The following USP40 variants were observed in gnomAD, a reference collection of about 807,000 sequenced individuals.
The protein encoded by USP40 is ubiquitin specific peptidase 40.
A neutral mutation model predicts 166.2 loss-of-function variants in USP40; 143 were observed. The observed-to-expected ratio is 0.86, with a 90% CI of 0.75 to 0.99. USP40 has a LOEUF of 0.99. USP40 is among the 50% of genes least tolerant of loss of function. USP40 has a pLI of 0.00. For synonymous variants in USP40, 498 were observed against 524.0 expected, an observed-to-expected ratio of 0.95 and a Z score of 0.68; for missense variants, 1,444 against 1,479.7, an observed-to-expected ratio of 0.98 and a Z score of 0.40.
chr2:233,481,283 G>C lies in USP40; in HGVS notation c.3519C>G (p.Asp1173Glu). Residue 1173 changes from aspartate (D) to glutamate (E), a missense_variant, in exon 31 of 32, where the codon GAC (aspartate) becomes GAG (glutamate). Coordinates refer to ENST00000678225, the MANE Select transcript of USP40 (RefSeq NM_001365479.2). The part of the protein sequence containing the change: ...DTIGVKNLLI[D>E]DDDDFSTIRD... Reference sequence around the variant, plus strand: ...TGATTGTACTGAAATCATCATCGTCGTCAATCAGGAGATTCTACATTTCAA... The same window carrying C: ...TGATTGTACTGAAATCATCATCGTCCTCAATCAGGAGATTCTACATTTCAA... 6.2e-7 allele frequency: 1 copy of C among 1,601,564 alleles called. No homozygotes were observed. Among genetic ancestry groups the C allele is most frequent in the Non-Finnish European group, 8.5e-7 (1 of 1,173,486 alleles).
At chr2:233,520,891 C>G (rs1240412245) in intron 17 of USP40, 100 bp downstream of exon 17, 1 of 1,326,084 alleles carries the variant, frequency 7.5e-7, no homozygotes, top group Non-Finnish European at 1.0e-6. Flanking sequence ...GAGCTGAAGT[C>G]TATTGAGACA....
rs1033450076 is a variant in USP40, at chr2:233,477,120, G to T, written c.*272C>A. 3 of 469,150 alleles carry T rather than the reference G, an allele frequency of 6.4e-6. No homozygotes were observed. Among genetic ancestry groups the T allele is most frequent in the Admixed American group, 3.4e-5 (1 of 29,664 alleles). The allele number at this position is 469,150 out of a possible 1,614,324, so 29.1% of individuals were successfully genotyped here. Reference sequence around the variant, plus strand: ...TCTGGTTAAAAGAAAAAAAAAGGCAGCTGGGGCCGGGTGCTGTGTGAGAGA... The same window carrying T: ...TCTGGTTAAAAGAAAAAAAAAGGCATCTGGGGCCGGGTGCTGTGTGAGAGA... On this transcript the variant is annotated 3_prime_UTR_variant, in exon 32 of 32. Coordinates refer to ENST00000678225, the MANE Select transcript of USP40 (RefSeq NM_001365479.2).
At position 233,523,314 on chromosome 2, in the gene USP40, C is replaced by T; in HGVS notation, c.2057G>A (p.Gly686Asp). 6.2e-7 allele frequency: 1 copy of T among 1,614,022 alleles called. No homozygotes were observed. Residue 686 changes from glycine to aspartate, a missense_variant, in exon 16 of 32, where the codon GGT becomes GAT. Gly to Asp is a moderately conservative substitution (Grantham distance 94). Coordinates refer to ENST00000678225, the MANE Select transcript of USP40 (RefSeq NM_001365479.2). ...TVLTALAIPA[G>D]VIFINSAGCP... ...TCCAGCACTGTTGATGAAGATGACA[C>T]CTGCTGGGATTGCTAAGGCTGTGAG...
intron 24 of USP40, among the ~76,000 whole-genome samples, chr2:233,494,958 A>ATT (rs2065632163): frequency 5.9e-5 from 3 of 51,272 alleles, no homozygotes; most frequent in Admixed American, 3.4e-4. Flanking sequence ...ATATATATTT[A>ATT]TATATATATA....
At chr2:233,556,810 T>C in intron 5 of USP40, 45 bp downstream of exon 5, 1 of 1,542,942 alleles carries the variant, frequency 6.5e-7, no homozygotes, top group Non-Finnish European at 8.8e-7. Flanking sequence ...ACATGGATTA[T>C]AATTTACAAC....
intron 19 of USP40, 126 bp from the exon 20 acceptor site, chr2:233,511,923 T>C (rs1346288023): frequency 1.4e-6 from 1 of 729,176 alleles, no homozygotes; most frequent in Admixed American, 3.1e-5. Flanking sequence ...GAGTTGCACT[T>C]CAGACAAAAG....
intron 16 of USP40, among the ~76,000 whole-genome samples, chr2:233,522,037 A>G (rs773048612): frequency 1.8e-4 from 28 of 152,194 alleles, no homozygotes; most frequent in Non-Finnish European, 3.5e-4. Context: ...TACCTTGCCC[A>G]AGGTCCCACT....
intron 7 of USP40, among the ~76,000 whole-genome samples, 182 bp downstream of exon 7, chr2:233,551,194 G>A (rs899569922): frequency 1.3e-5 from 2 of 152,210 alleles, no homozygotes; most frequent in African/African-American, 2.4e-5. Context: ...GTAGAGGGCA[G>A]GGATGCTGCT....
intron 1 of USP40, among the ~76,000 whole-genome samples, chr2:233,566,170 G>A (rs910917306): frequency 6.6e-6 from 1 of 151,958 alleles, no homozygotes; most frequent in African/African-American, 2.4e-5. Flanking sequence ...AGGGGGGAAG[G>A]GGAGCGGAGG....
intron 10 of USP40, among the ~76,000 whole-genome samples, chr2:233,537,725 C>A (rs76168998): frequency 6.6e-6 from 1 of 152,008 alleles, no homozygotes; most frequent in African/African-American, 2.4e-5. Context: ...AAAAATATCA[C>A]TAAAAAATGG....
chr2:233,500,439 A>G (rs1427661498), intron 21 of USP40, among the ~76,000 whole-genome samples: 1 of 152,252 alleles, frequency 6.6e-6, no homozygotes, highest in Non-Finnish European at 1.5e-5. Flanking sequence ...TATTAACAAA[A>G]GTTTAAATAA....
chr2:233,490,859 C>T (rs186522390), intron 26 of USP40, among the ~76,000 whole-genome samples: 33 of 152,220 alleles, frequency 2.2e-4, no homozygotes, highest in African/African-American at 6.7e-4. Context: ...AAAGTGAATG[C>T]TTTACAAATG....
intron 13 of USP40, 143 bp downstream of exon 13, chr2:233,527,264 G>A (rs2068095348): frequency 1.1e-6 from 1 of 919,522 alleles, no homozygotes; most frequent in Non-Finnish European, 1.5e-6. Flanking sequence ...GAAGATTTGG[G>A]TCAACCCTCT....
At chr2:233,505,021 A>G (rs755723334) in intron 21 of USP40, among the ~76,000 whole-genome samples, 1 of 152,090 alleles carries the variant, frequency 6.6e-6, no homozygotes, top group Non-Finnish European at 1.5e-5. Flanking sequence ...TCTAACCACG[A>G]TAAAACTAGA....
At chr2:233,541,476 T>G (rs1405898216) in intron 9 of USP40, among the ~76,000 whole-genome samples, 1 of 152,166 alleles carries the variant, frequency 6.6e-6, no homozygotes, top group East Asian at 1.9e-4. Context: ...GAGAGAGGCC[T>G]CAGAAGAAAC....
At position 233,565,642 on chromosome 2, in the gene USP40, A is replaced by C. The variant is rs530468513; in HGVS notation, c.-19-69T>G. The C allele has an allele frequency of 5.3e-4, 692 of 1,298,046 alleles. 11 individuals are homozygous for C. In the South Asian group the frequency reaches 6.4e-3, roughly 12 times the overall value. 80.4% of individuals were successfully genotyped at this position (1,298,046 alleles called of 1,614,324 possible). On this transcript the variant is annotated intron_variant, in intron 1 of 31. Coordinates refer to ENST00000678225, the MANE Select transcript of USP40 (RefSeq NM_001365479.2). ...TTTTCCCCAAATCCCCCTACCTTAC[A>C]CTTGGGAGTCGATTCTGTTGTTTCT...
chr2:233,554,320 A>G, intron 6 of USP40, 60 bp downstream of exon 6: 1 of 1,472,656 alleles, frequency 6.8e-7, no homozygotes. Flanking sequence ...TTTTCATACA[A>G]GTTGACTTGT....
At chr2:233,562,565 T>A (rs2071737803) in intron 3 of USP40, among the ~76,000 whole-genome samples, 171 bp downstream of exon 3, 1 of 52,456 alleles carries the variant, frequency 1.9e-5, no homozygotes. Context: ...GGGACTGTTG[T>A]GGGTTGGGGG....
At chr2:233,556,113 C>A (rs1195618394) in intron 5 of USP40, among the ~76,000 whole-genome samples, 2 of 145,474 alleles carry the variant, frequency 1.4e-5, no homozygotes, top group African/African-American at 5.1e-5. Context: ...AAGACTCCAT[C>A]TCAAAAAAAA....
Sources: allele counts gnomAD v4.1 joint callset (sites outside exome capture counted in the v4.1 genomes callset), GRCh38; gene constraint gnomAD v4.1.1; transcripts MANE v1.5; gene names NCBI Gene and HGNC (gene_info 2026-07-23, HGNC 2026-07-21).